The following RNF13 variants were observed in gnomAD, a reference collection of about 807,000 sequenced individuals.
The protein encoded by RNF13 is E3 ubiquitin-protein ligase RNF13.
RNF13 carries 19 observed loss-of-function variants against 37.7 expected under a neutral mutation model. That is an observed-to-expected ratio of 0.50 (90% CI 0.35 to 0.74). The LOEUF (loss-of-function observed/expected upper bound fraction) is 0.74, where lower values mean the gene tolerates loss of function less well. RNF13 is among the 30% of genes least tolerant of loss of function. The pLI, the probability that RNF13 is intolerant of heterozygous loss-of-function variation, is 0.01. For synonymous variants in RNF13, 144 were observed against 157.8 expected, an observed-to-expected ratio of 0.91 and a Z score of 0.65; for missense variants, 375 against 453.0, an observed-to-expected ratio of 0.83 and a Z score of 1.56.
intron 6 of RNF13, among the ~76,000 whole-genome samples, chr3:149,907,730 A>G (rs1716569500): frequency 6.6e-6 from 1 of 152,248 alleles, no homozygotes; most frequent in African/African-American, 2.4e-5. Context: ...TAAAATTCTT[A>G]GAAGAATACC....
At chr3:149,819,980 A>G (rs1719864333) in intron 1 of RNF13, among the ~76,000 whole-genome samples, 1 of 152,168 alleles carries the variant, frequency 6.6e-6, no homozygotes, top group African/African-American at 2.4e-5. Context: ...TAGAGTTAAT[A>G]ATTATTAAAT....
At chr3:149,939,533 C>T (rs1720043954) in intron 8 of RNF13, 2 of 585,822 alleles carry the variant, frequency 3.4e-6, no homozygotes, top group South Asian at 2.8e-5. Context: ...TCAAGGCCCC[C>T]AGAAACCATT....
rs529406912 is a variant in RNF13, at chr3:149,842,307, C to G, written c.-16-3704C>G. Among the ~76,000 whole-genome samples, 5 of 152,234 alleles carry G rather than the reference C, an allele frequency of 3.3e-5. No homozygotes were observed. In the South Asian group the frequency reaches 8.3e-4, roughly 25 times the overall value. On this transcript the variant is annotated intron_variant, in intron 1 of 9. Coordinates refer to ENST00000392894, the MANE Select transcript of RNF13 (RefSeq NM_183381.3). Reference sequence around the variant, plus strand: ...TAAGTTCAGAAATTCTCAAATTGTACTTACTTTCTCACTGTGGTCTTCCTT... The same window carrying G: ...TAAGTTCAGAAATTCTCAAATTGTAGTTACTTTCTCACTGTGGTCTTCCTT...
In RNF13 at chr3:149,828,268, T is replaced by C. The variant is rs1255551268; in HGVS notation, c.-17+14915T>C. Among the ~76,000 whole-genome samples, 2 of 152,228 alleles carry C rather than the reference T, an allele frequency of 1.3e-5. 1 individual carries two copies. Among genetic ancestry groups the C allele is most frequent in the Non-Finnish European group, 2.9e-5 (2 of 68,034 alleles). ...GTGTTGTTTTTGTTTTATTTTACAATGTTGTTTTGATGATTAGAAGGAAAA... is the reference window on the plus strand; with the variant it reads ...GTGTTGTTTTTGTTTTATTTTACAACGTTGTTTTGATGATTAGAAGGAAAA... On this transcript the variant is annotated intron_variant, in intron 1 of 9. Transcript: ENST00000392894.
chr3:149,852,288 C>T (rs762253009), intron 2 of RNF13, among the ~76,000 whole-genome samples: 6 of 151,866 alleles, frequency 4.0e-5, no homozygotes, highest in Non-Finnish European at 8.8e-5. Flanking sequence ...TGTTGCTGCT[C>T]GATAATATTT....
intron 1 of RNF13, among the ~76,000 whole-genome samples, chr3:149,817,946 A>G (rs1719631959): frequency 6.6e-6 from 1 of 152,218 alleles, no homozygotes; most frequent in African/African-American, 2.4e-5. Flanking sequence ...GAAGGACTGT[A>G]GGTTTCCTTT....
At chr3:149,838,617 G>A (rs569609235) in intron 1 of RNF13, among the ~76,000 whole-genome samples, 8 of 152,326 alleles carry the variant, frequency 5.3e-5, no homozygotes, top group African/African-American at 1.9e-4. Context: ...TGGGATGCAG[G>A]GCACCAAGTC....
chr3:149,820,070 A>C (rs1719874299), intron 1 of RNF13, among the ~76,000 whole-genome samples: 2 of 152,192 alleles, frequency 1.3e-5, no homozygotes. Flanking sequence ...AAGAAAACTG[A>C]AATTTTGGGA....
At chr3:149,901,301 C>G (rs1055825701) in intron 5 of RNF13, among the ~76,000 whole-genome samples, 1 of 152,170 alleles carries the variant, frequency 6.6e-6, no homozygotes, top group African/African-American at 2.4e-5. Flanking sequence ...TGGGCCTTCT[C>G]TAAAGCCAAA....
At position 149,849,821 on chromosome 3, in the gene RNF13, A is replaced by G. The variant is rs1210835557; in HGVS notation, c.115-2695A>G. ...ATAATGAGTGCTCAGTAATTGTTAGATATTTATTACTTTCTAAATTCAATT... is the reference window on the plus strand; with the variant it reads ...ATAATGAGTGCTCAGTAATTGTTAGGTATTTATTACTTTCTAAATTCAATT... On this transcript the variant is annotated intron_variant, in intron 2 of 9. Transcript: ENST00000392894. Among the ~76,000 whole-genome samples, 3 of 152,182 alleles carry G rather than the reference A, an allele frequency of 2.0e-5. No homozygotes were observed. The East Asian group carries it at 5.8e-4, about 29-fold the overall frequency.
At chr3:149,933,585 CTTTT>C (rs36076578) in intron 8 of RNF13, among the ~76,000 whole-genome samples, 6 of 134,678 alleles carry the variant, frequency 4.5e-5, no homozygotes, top group Non-Finnish European at 6.4e-5. Flanking sequence ...TTTCTTTCTT[CTTTT>C]TTTTTTTTTT....
chr3:149,873,913 A>G (rs914922936), intron 4 of RNF13, among the ~76,000 whole-genome samples: 1 of 152,118 alleles, frequency 6.6e-6, no homozygotes, highest in African/African-American at 2.4e-5. Context: ...TATGTATCCA[A>G]TTTGTATTAT....
intron 8 of RNF13, among the ~76,000 whole-genome samples, chr3:149,958,111 A>G (rs1016370191): frequency 1.3e-5 from 2 of 152,248 alleles, no homozygotes; most frequent in Non-Finnish European, 2.9e-5. Flanking sequence ...CATCAAGTCT[A>G]TACATTTAAA....
chr3:149,841,810 A>G (rs1054200535), intron 1 of RNF13, among the ~76,000 whole-genome samples: 3 of 152,018 alleles, frequency 2.0e-5, no homozygotes, highest in African/African-American at 7.2e-5. Flanking sequence ...TTGTATTTTT[A>G]GTAGAGACGG....
intron 1 of RNF13, among the ~76,000 whole-genome samples, chr3:149,820,438 T>C (rs948200546): frequency 6.6e-6 from 1 of 152,158 alleles, no homozygotes; most frequent in African/African-American, 2.4e-5. Context: ...AGTGAGGAGC[T>C]GGTGATAAAT....
intron 3 of RNF13, among the ~76,000 whole-genome samples, chr3:149,861,790 A>G (rs1030239795): frequency 8.5e-5 from 13 of 152,176 alleles, no homozygotes; most frequent in African/African-American, 2.7e-4. Context: ...CAGAACTTGA[A>G]ATGTTCTCAA....
At chr3:149,886,737 A>T (rs1291004356) in intron 4 of RNF13, among the ~76,000 whole-genome samples, 1 of 152,226 alleles carries the variant, frequency 6.6e-6, no homozygotes, top group African/African-American at 2.4e-5. Context: ...GTGATTTCTC[A>T]TAGATGCTCT....
intron 6 of RNF13, among the ~76,000 whole-genome samples, chr3:149,910,462 G>C (rs1716881559): frequency 6.6e-6 from 1 of 152,024 alleles, no homozygotes; most frequent in African/African-American, 2.4e-5. Context: ...GGTATTTTTT[G>C]TTTGTTGAAG....
At chr3:149,846,732 G>A (rs1309975842) in intron 2 of RNF13, among the ~76,000 whole-genome samples, 1 of 152,172 alleles carries the variant, frequency 6.6e-6, no homozygotes, top group Non-Finnish European at 1.5e-5. Context: ...CCTACCTGCT[G>A]TGTGCTTACA....
Sources: allele counts gnomAD v4.1 joint callset (sites outside exome capture counted in the v4.1 genomes callset), GRCh38; gene constraint gnomAD v4.1.1; transcripts MANE v1.5; gene names NCBI Gene and HGNC (gene_info 2026-07-23, HGNC 2026-07-21).